GAPDH: variants seen among roughly 807,000 people sequenced by gnomAD.
GAPDH encodes the protein OCAS, p38 component.
In GAPDH, 13 loss-of-function variants were observed where a neutral mutation model predicts 31.2. That is an observed-to-expected ratio of 0.42 (90% CI 0.27 to 0.66). GAPDH has a LOEUF of 0.66. Ranked by LOEUF, GAPDH falls within the 30% of genes least tolerant of loss-of-function variation. GAPDH has a pLI of 0.26. For missense variants in GAPDH, 300 were observed against 443.7 expected (o/e 0.68, Z 2.91); for synonymous variants, 211 against 166.9 (o/e 1.26, Z -2.04).
chr12:6,538,040 T>C (rs747183105), intron 8 of GAPDH, 44 bp downstream of exon 8: 1 of 1,597,562 alleles, frequency 6.3e-7, no homozygotes. Flanking sequence ...AAGTGCAGGG[T>C]CTGGCGCCCT....
Position 6,535,422 on chromosome 12 carries a change from C to G in GAPDH, c.29+561C>G, listed in dbSNP as rs45575233. 9.6e-4 allele frequency: 947 copies of G among 988,158 alleles called. 3 individuals are homozygous for G. In the African/African-American group the frequency reaches 0.016, roughly 16 times the overall value. 61.2% of individuals were successfully genotyped at this position (988,158 alleles called of 1,614,324 possible). A position where few individuals can be genotyped will look rare whatever the true frequency, so the allele number is the denominator to read the frequency against. On this transcript the variant is annotated intron_variant, in intron 2 of 8. Transcript: ENST00000229239. ...GGGAAGTCAGGTGGAGCGAGGCTAG[C>G]TGGCCCGATTTCTCCTCCGGGTGAT...
chr12:6,536,961 A>G lies in GAPDH; in HGVS notation c.278A>G (p.Glu93Gly). 1 of 1,613,458 alleles carries G rather than the reference A, an allele frequency of 6.2e-7. No homozygotes were observed. Among genetic ancestry groups the G allele is most frequent in the Non-Finnish European group, 8.5e-7 (1 of 1,179,888 alleles). ...SKIKWGDAGA[E>G]YVVESTGVFT... ...ATCAAGTGGGGCGATGCTGGCGCTG[A>G]GTACGTCGTGGAGTCCACTGGCGTC... The change falls in exon 5 of 9, where the codon GAG becomes GGG. Residue 93 changes from glutamate (E) to glycine (G), a missense_variant. Transcript: ENST00000229239.
chr12:6,535,312 A>G, intron 2 of GAPDH: 1 of 999,636 alleles, frequency 1.0e-6, no homozygotes, highest in Non-Finnish European at 1.2e-6. Context: ...TGCAACCGGG[A>G]AGGAAATGAA....
Position 6,538,193 on chromosome 12 carries a change from GCAAGAGCA to G in GAPDH, c.*30_*37del. ...TAAGACCCCTGGACCACCAGCCCCA[GCAAGAGCA>G]CAAGAGGAAGAGAGAGACCCTCACT... On this transcript the variant is annotated 3_prime_UTR_variant, in exon 9 of 9. Coordinates refer to ENST00000229239, the MANE Select transcript of GAPDH (RefSeq NM_002046.7). 3.1e-6 allele frequency: 5 copies of G among 1,591,930 alleles called. No individual in the cohort carries two copies. In the South Asian group the frequency reaches 5.5e-5, roughly 18 times the overall value.
At chr12:6,536,635 G>A (rs751632311) in intron 3 of GAPDH, 42 bp downstream of exon 3, 1 of 1,605,458 alleles carries the variant, frequency 6.2e-7, no homozygotes, top group African/African-American at 1.3e-5. Context: ...TGTGGGAGGA[G>A]CCACCTGGCT....
chr12:6,538,332 C>T lies in GAPDH; in HGVS notation c.*162C>T. On this transcript the variant is annotated 3_prime_UTR_variant, in exon 9 of 9. Coordinates refer to ENST00000229239, the MANE Select transcript of GAPDH (RefSeq NM_002046.7). Reference sequence around the variant, plus strand: ...AGGGGAGGGGCCTAGGGAGCCGCACCTTGTCATGTACCATCAATAAAGTAC... The same window carrying T: ...AGGGGAGGGGCCTAGGGAGCCGCACTTTGTCATGTACCATCAATAAAGTAC... 1 of 630,560 alleles carries T rather than the reference C, an allele frequency of 1.6e-6. No individual in the cohort carries two copies. The allele number at this position is 630,560 out of a possible 1,614,324, so 39.1% of individuals were successfully genotyped here.
In GAPDH at chr12:6,534,843, T is replaced by C. The variant is rs369545182; in HGVS notation, c.11T>C (p.Val4Ala). MGK[V>A]KVGVNGFGRI... ...CATCGCTCAGACACCATGGGGAAGG[T>C]GAAGGTCGGAGTCAACGGGTGAGTT... Residue 4 changes from valine to alanine, a missense_variant, in exon 2 of 9, where the codon GTG becomes GCG. Transcript: ENST00000229239. The C allele has an allele frequency of 1.7e-5, 27 of 1,613,114 alleles. No homozygotes were observed. Among genetic ancestry groups the C allele is most frequent in the East Asian group, 4.5e-5 (2 of 44,832 alleles).
chr12:6,536,614 C>A (rs2136070248), intron 3 of GAPDH, 21 bp downstream of exon 3: 1 of 1,610,146 alleles, frequency 6.2e-7, no homozygotes, highest in East Asian at 2.2e-5. Context: ...CATGGTGAGC[C>A]CCAAAGCTGG....
chr12:6,537,888 C>T lies in GAPDH; in HGVS notation c.830C>T (p.Thr277Ile). 1 of 1,613,872 alleles carries T rather than the reference C, an allele frequency of 6.2e-7. No individual in the cohort carries two copies. The highest frequency in any genetic ancestry group is 8.5e-7 in the Non-Finnish European group (1 of 1,180,010). ...CCCCTCAAGGGCATCCTGGGCTACACTGAGCACCAGGTGGTCTCCTCTGAC... is the reference window on the plus strand; with the variant it reads ...CCCCTCAAGGGCATCCTGGGCTACATTGAGCACCAGGTGGTCTCCTCTGAC... ...EGPLKGILGYTEHQVVSSDFN... is the reference protein window; with the variant it reads ...EGPLKGILGYIEHQVVSSDFN... The change falls in exon 8 of 9, where the codon ACT (threonine) becomes ATT (isoleucine). Residue 277 changes from threonine (T) to isoleucine (I), a missense_variant. Thr to Ile is a moderately conservative substitution (Grantham distance 89). Coordinates refer to ENST00000229239, the MANE Select transcript of GAPDH (RefSeq NM_002046.7). The surrounding 1 kb of genome is among the most constrained non-coding windows in gnomAD (Gnocchi z 4.9).
intron 8 of GAPDH, 25 bp downstream of exon 8, chr12:6,538,021 G>C (rs1158588825): frequency 6.3e-7 from 1 of 1,596,140 alleles, no homozygotes; most frequent in South Asian, 1.2e-5. Context: ...CCAGAGACTG[G>C]CTCTTAAAAA....
intron 2 of GAPDH, among the ~76,000 whole-genome samples, chr12:6,536,091 C>T (rs950099419): frequency 5.9e-5 from 9 of 152,204 alleles, no homozygotes; most frequent in Admixed American, 2.0e-4. Context: ...TACTCCTGCC[C>T]TTTGAGTTTG....
At chr12:6,535,251 C>G in intron 2 of GAPDH, 3 of 1,059,420 alleles carry the variant, frequency 2.8e-6, no homozygotes, top group Non-Finnish European at 2.3e-6. Flanking sequence ...TAGTGCGCAG[C>G]GGGTGCATCC....
rs1323236582 is a variant in GAPDH at position 6,534,528 on chromosome 12, C to T, written c.-65C>T. 1.5e-5 allele frequency: 7 copies of T among 472,702 alleles called. No individual in the cohort carries two copies. The highest frequency in any genetic ancestry group is 4.2e-5 in the African/African-American group (2 of 47,182). 29.3% of individuals were successfully genotyped at this position (472,702 alleles called of 1,614,324 possible). On this transcript the variant is annotated 5_prime_UTR_variant, in exon 1 of 9. Coordinates refer to ENST00000229239, the MANE Select transcript of GAPDH (RefSeq NM_002046.7). ...CAGCCTCCCGCTTCGCTCTCTGCTC[C>T]TCCTGTTCGACAGTCAGCCGCATCT...
intron 2 of GAPDH, 30 bp from the exon 3 acceptor site, chr12:6,536,464 C>T: frequency 1.3e-6 from 2 of 1,544,100 alleles, no homozygotes; most frequent in South Asian, 1.1e-5. Context: ...AGCCTCCCCT[C>T]CTCATGCCTT....
rs925865590 is a variant in GAPDH at position 6,535,499 on chromosome 12, C to T, written c.29+638C>T. ...ATCAAAGAAGTGGGTTTATGGAGGTCCTCTTGTGTCCCCTCCCCGCAGAGG... is the reference window on the plus strand; with the variant it reads ...ATCAAAGAAGTGGGTTTATGGAGGTTCTCTTGTGTCCCCTCCCCGCAGAGG... On this transcript the variant is annotated intron_variant, in intron 2 of 8. Coordinates refer to ENST00000229239, the MANE Select transcript of GAPDH (RefSeq NM_002046.7). The T allele has an allele frequency of 1.4e-5, 13 of 951,744 alleles. No individual in the cohort carries two copies. The African/African-American group carries it at 1.4e-4, about 10-fold the overall frequency. The allele number at this position is 951,744 out of a possible 1,614,324, so 59.0% of individuals were successfully genotyped here.
intron 3 of GAPDH, 27 bp downstream of exon 3, chr12:6,536,620 G>A (rs1302932202): frequency 1.2e-6 from 2 of 1,608,734 alleles, no homozygotes; most frequent in African/African-American, 2.7e-5. Flanking sequence ...GAGCCCCAAA[G>A]CTGGTGTGGG....
At chr12:6,535,309 GGGAAGGAAA>G in intron 2 of GAPDH, 1 of 1,000,876 alleles carries the variant, frequency 1.0e-6, no homozygotes, top group Non-Finnish European at 1.2e-6. Flanking sequence ...TGTTGCAACC[GGGAAGGAAA>G]TGAATGGGCA....
chr12:6,536,472 C>T lies in GAPDH; in HGVS notation c.30-22C>T, dbSNP rs759131700. The T allele has an allele frequency of 3.8e-6, 6 of 1,586,024 alleles. No homozygotes were observed. In the Admixed American group the frequency reaches 5.0e-5, roughly 13 times the overall value. On this transcript the variant is annotated intron_variant, in intron 2 of 8. Coordinates refer to ENST00000229239, the MANE Select transcript of GAPDH (RefSeq NM_002046.7). ...CTGGAGGAGCCTCCCCTCCTCATGCCTTCTTGCCTCTTGTCTCTTAGATTT... is the reference window on the plus strand; with the variant it reads ...CTGGAGGAGCCTCCCCTCCTCATGCTTTCTTGCCTCTTGTCTCTTAGATTT...
At chr12:6,534,627 C>T in intron 1 of GAPDH, 58 bp downstream of exon 1, 4 of 604,952 alleles carry the variant, frequency 6.6e-6, no homozygotes, top group East Asian at 6.0e-5. Flanking sequence ...GCGGCAGGGG[C>T]GGGCGCAGGC....
Sources: gnomAD v4.1 joint callset for allele counts (sites outside exome capture counted in the v4.1 genomes callset) on GRCh38, gnomAD v4.1.1 for gene constraint, Gnocchi (gnomAD v3.1) non-coding constraint, MANE v1.5 for transcripts, NCBI Gene and HGNC (gene_info 2026-07-23, HGNC 2026-07-21) for gene names.